IDH3A: variants seen among roughly 807,000 people sequenced by gnomAD.
IDH3A encodes isocitrate dehydrogenase (NAD(+)) 3 catalytic subunit alpha, also known as isocitrate dehydrogenase [NAD] subunit alpha, mitochondrial.
In IDH3A, 23 loss-of-function variants were observed where a neutral mutation model predicts 43.3. The observed-to-expected ratio is 0.53, with a 90% CI of 0.38 to 0.75. The LOEUF (loss-of-function observed/expected upper bound fraction) is 0.75, where lower values mean the gene tolerates loss of function less well. IDH3A is among the 30% of genes least tolerant of loss of function. IDH3A has a pLI of 0.00. For synonymous variants in IDH3A, 154 were observed against 163.5 expected (o/e 0.94, Z 0.44); for missense variants, 329 against 474.4 (o/e 0.69, Z 2.85).
intron 1 of IDH3A, chr15:78,150,950 A>G (rs1460361705): frequency 6.6e-6 from 1 of 152,238 alleles, no homozygotes; most frequent in Non-Finnish European, 1.5e-5. Flanking sequence ...TTAACACCCA[A>G]TTCATCTTTG....
intron 8 of IDH3A, 78 bp from the exon 9 acceptor site, chr15:78,164,914 A>G (rs2074722507): frequency 2.7e-6 from 3 of 1,131,600 alleles, no homozygotes; most frequent in Non-Finnish European, 4.0e-6. Flanking sequence ...GAGAATGATA[A>G]TTAAAAACTA....
Position 78,160,119 on chromosome 15 carries a change from G to A in IDH3A, c.202G>A (p.Val68Ile), listed in dbSNP as rs749871890. ...KAPIQWEERNVTAIQGPGGKW... is the reference protein window; with the variant it reads ...KAPIQWEERNITAIQGPGGKW... ...ACCTATTCAGTGGGAGGAGCGGAACGTCACTGCCATTCAAGGACCTGGAGG... is the reference window on the plus strand; with the variant it reads ...ACCTATTCAGTGGGAGGAGCGGAACATCACTGCCATTCAAGGACCTGGAGG... Residue 68 changes from valine (V) to isoleucine (I), a missense_variant, in exon 4 of 11, where the codon GTC (valine) becomes ATC (isoleucine). Physicochemically the swap from Val to Ile is conservative, Grantham distance 29. Coordinates refer to ENST00000299518, the MANE Select transcript of IDH3A (RefSeq NM_005530.3). 5.6e-6 allele frequency: 9 copies of A among 1,612,876 alleles called. No individual in the cohort carries two copies. The highest frequency in any genetic ancestry group is 2.2e-5 in the East Asian group (1 of 44,876).
rs11630776 is a variant in IDH3A, at chr15:78,155,448, C to G, written c.90+173C>G. ...TGACATGCACAAATCTGTTAGGTTACTTGCGCATTTGAAAGAATTATCTTA... is the reference window on the plus strand; with the variant it reads ...TGACATGCACAAATCTGTTAGGTTAGTTGCGCATTTGAAAGAATTATCTTA... On this transcript the variant is annotated intron_variant, in intron 2 of 10. Transcript: ENST00000299518. 141,135 of 475,528 alleles carry G rather than the reference C, an allele frequency of 0.3. 24,016 individuals are homozygous for G. Among genetic ancestry groups the G allele is most frequent in the Non-Finnish European group, 0.37 (97,618 of 267,436 alleles). The allele number at this position is 475,528 out of a possible 1,614,324, so 29.5% of individuals were successfully genotyped here. A position where few individuals can be genotyped will look rare whatever the true frequency, so the allele number is the denominator to read the frequency against.
intron 1 of IDH3A, 121 bp downstream of exon 1, chr15:78,149,551 G>C (rs1402917621): frequency 2.4e-6 from 2 of 828,330 alleles, no homozygotes; most frequent in African/African-American, 1.8e-5. Context: ...GGCTGCCCGC[G>C]GGGACAGCTT....
In IDH3A at chr15:78,171,541, A is replaced by G. The variant is rs758124630; in HGVS notation, c.*2536A>G. ...TTTCATCGTGGGACCTAAAAGGGAA[A>G]TGAGAAGAAATGAGTGAGGCCCAGG... On this transcript the variant is annotated 3_prime_UTR_variant, in exon 11 of 11. Coordinates refer to ENST00000299518, the MANE Select transcript of IDH3A (RefSeq NM_005530.3). 6.8e-6 allele frequency: 11 copies of G among 1,608,080 alleles called. No homozygotes were observed. The highest frequency in any genetic ancestry group is 1.1e-5 in the South Asian group (1 of 90,952).
chr15:78,165,505 A>T (rs2074729507), intron 9 of IDH3A, among the ~76,000 whole-genome samples: 2 of 151,940 alleles, frequency 1.3e-5, no homozygotes, highest in Non-Finnish European at 1.5e-5. Context: ...GTTTGTTTTT[A>T]TATACACCCA....
Position 78,169,511 on chromosome 15 carries a change from A to G in IDH3A, c.*506A>G, listed in dbSNP as rs2074792465. On this transcript the variant is annotated 3_prime_UTR_variant, in exon 11 of 11. Transcript: ENST00000299518. ...TCCTGGGAAAGTTCACATCAAAAAG[A>G]GTGAATGTGGTATATTTCTAAATGA... 6.6e-6 allele frequency: 1 copy of G among 152,276 alleles called. No individual in the cohort carries two copies. Among genetic ancestry groups the G allele is most frequent in the Admixed American group, 6.5e-5 (1 of 15,288 alleles). The allele number at this position is 152,276 out of a possible 1,614,324, so 9.4% of individuals were successfully genotyped here.
Position 78,160,132 on chromosome 15 carries a change from A to T in IDH3A, c.215A>T (p.Gln72Leu). 1 of 1,613,738 alleles carries T rather than the reference A, an allele frequency of 6.2e-7. No homozygotes were observed. The highest frequency in any genetic ancestry group is 1.7e-4 in the Middle Eastern group (1 of 6,060). Residue 72 changes from glutamine to leucine, a missense_variant, in exon 4 of 11, where the codon CAA becomes CTA. Coordinates refer to ENST00000299518, the MANE Select transcript of IDH3A (RefSeq NM_005530.3). ...QWEERNVTAI[Q>L]GPGGKWMIPS... is the part of the protein sequence containing the mutation. The stretch of plus-strand genomic sequence containing the variant: ...GAGGAGCGGAACGTCACTGCCATTC[A>T]AGGACCTGGAGGAAAGTGGATGATC...
intron 1 of IDH3A, among the ~76,000 whole-genome samples, 162 bp downstream of exon 1, chr15:78,149,592 G>C (rs1488718590): frequency 6.6e-6 from 1 of 152,150 alleles, no homozygotes; most frequent in Non-Finnish European, 1.5e-5. Context: ...CGTGCCCCGC[G>C]CTCCGTGGCC....
chr15:78,152,642 G>A (rs1027303780), intron 1 of IDH3A, among the ~76,000 whole-genome samples: 2 of 152,214 alleles, frequency 1.3e-5, no homozygotes, highest in Non-Finnish European at 2.9e-5. Flanking sequence ...TTACAGGCGT[G>A]AGCCACCGCA....
intron 2 of IDH3A, chr15:78,157,263 G>GATTTCCTAATT: frequency 1.2e-6 from 1 of 828,200 alleles, no homozygotes; most frequent in Non-Finnish European, 1.6e-6. Context: ...ATATCAATTA[G>GATTTCCTAATT]GAAATCTACT....
chr15:78,163,688 A>G (rs1328915018), intron 7 of IDH3A, 28 bp from the exon 8 acceptor site: 1 of 1,600,292 alleles, frequency 6.2e-7, no homozygotes. Context: ...GATTTTGATT[A>G]CTAAATGCAC....
At chr15:78,164,307 C>G (rs1405162732) in intron 8 of IDH3A, among the ~76,000 whole-genome samples, 3 of 151,524 alleles carry the variant, frequency 2.0e-5, no homozygotes, top group Admixed American at 1.3e-4. Context: ...CTCTCTCTCC[C>G]CCCCCGACAC....
chr15:78,156,520 AT>A (rs1316161639), intron 2 of IDH3A, among the ~76,000 whole-genome samples: 1 of 152,218 alleles, frequency 6.6e-6, no homozygotes, highest in Non-Finnish European at 1.5e-5. Flanking sequence ...AATGAAAAAA[AT>A]AAAAATGTTT....
chr15:78,166,254 T>C lies in IDH3A; in HGVS notation c.969T>C (p.His323=), dbSNP rs201743102. 67 of 1,614,218 alleles carry C rather than the reference T, an allele frequency of 4.2e-5. No individual in the cohort carries two copies. Among genetic ancestry groups the C allele is most frequent in the Non-Finnish European group, 3.4e-6 (4 of 1,180,030 alleles). ...MMLRHMGLFD[H]AARIEAACFA... ...TGCGCCACATGGGACTTTTTGACCA[T>C]GCTGCAAGAATTGAGGCTGCGTGTT... Residue 323 remains histidine (H), a synonymous_variant, in exon 10 of 11, where the codon CAT becomes CAC. Transcript: ENST00000299518.
At chr15:78,156,996 A>G in intron 2 of IDH3A, 1 of 1,337,854 alleles carries the variant, frequency 7.5e-7, no homozygotes, top group Non-Finnish European at 9.8e-7. Context: ...AGCTCTCTTG[A>G]TAAAAAGTCT....
At chr15:78,155,142 A>T in intron 1 of IDH3A, 71 bp from the exon 2 acceptor site, 1 of 1,081,438 alleles carries the variant, frequency 9.2e-7, no homozygotes, top group African/African-American at 1.6e-5. Context: ...ATCCATCAGG[A>T]CTTCCTCGCT....
intron 3 of IDH3A, among the ~76,000 whole-genome samples, chr15:78,158,537 A>G (rs1458243608): frequency 8.1e-6 from 1 of 123,546 alleles, no homozygotes; most frequent in African/African-American, 3.1e-5. Context: ...AGTGCGATGG[A>G]GCAATCTCGG....
chr15:78,154,170 T>C (rs1271220823), intron 1 of IDH3A, among the ~76,000 whole-genome samples: 1 of 145,262 alleles, frequency 6.9e-6, no homozygotes, highest in Non-Finnish European at 1.5e-5. Flanking sequence ...TTCTGGCATA[T>C]GATGTTAATT....
Sources: allele counts gnomAD v4.1 joint callset (sites outside exome capture counted in the v4.1 genomes callset), GRCh38; gene constraint gnomAD v4.1.1; transcripts MANE v1.5; gene names NCBI Gene and HGNC (gene_info 2026-07-23, HGNC 2026-07-21).